Variants in RAPGEF2 observed in about 807,000 individuals in gnomAD.
RAPGEF2 encodes the protein Rap guanine nucleotide exchange factor 2.
A neutral mutation model predicts 186.7 loss-of-function variants in RAPGEF2; 54 were observed. That is an observed-to-expected ratio of 0.29 (90% CI 0.23 to 0.36). The LOEUF is 0.36. Ranked by LOEUF, RAPGEF2 falls within the 10% of genes least tolerant of loss-of-function variation. The pLI is 1.00. For synonymous variants in RAPGEF2, 712 were observed against 705.9 expected (o/e 1.01, Z -0.14); for missense variants, 1,532 against 2,045.0 (o/e 0.75, Z 4.84).
intron 4 of RAPGEF2, among the ~76,000 whole-genome samples, chr4:159,224,229 G>A (rs377150530): frequency 6.6e-6 from 1 of 152,088 alleles, no homozygotes; most frequent in African/African-American, 2.4e-5. Flanking sequence ...AATCCCTTAT[G>A]TATAGGAAAT....
intron 7 of RAPGEF2, among the ~76,000 whole-genome samples, chr4:159,275,385 A>G (rs1758726069): frequency 6.6e-6 from 1 of 152,128 alleles, no homozygotes; most frequent in Admixed American, 6.6e-5. Context: ...TCAAAGTTAC[A>G]TTCTTCTTTA....
At chr4:159,303,409 A>G (rs190757733) in intron 7 of RAPGEF2, among the ~76,000 whole-genome samples, 104 of 152,290 alleles carry the variant, frequency 6.8e-4, no homozygotes, top group African/African-American at 2.3e-3. Flanking sequence ...TGTTATCAGT[A>G]TTTCATGATG....
Position 159,352,667 on chromosome 4 carries a change from G to A in RAPGEF2, c.3866-18G>A. Reference sequence around the variant, plus strand: ...AAACCTAGAGAGTCTAATTAATACGGTTGTATTTCTCATGCAGGCTATACT... The same window carrying A: ...AAACCTAGAGAGTCTAATTAATACGATTGTATTTCTCATGCAGGCTATACT... On this transcript the variant is annotated intron_variant, in intron 26 of 29. Transcript: ENST00000691494. 2 of 1,577,760 alleles carry A rather than the reference G, an allele frequency of 1.3e-6. No individual in the cohort carries two copies. The highest frequency in any genetic ancestry group is 1.3e-5 in the African/African-American group (1 of 74,210).
At position 159,168,015 on chromosome 4, in the gene RAPGEF2, A is replaced by G. The variant is rs1745506551; in HGVS notation, c.70-18627A>G. 2.6e-5 allele frequency among the ~76,000 whole-genome samples: 4 copies of G among 152,212 alleles called. No homozygotes were observed. In the South Asian group the frequency reaches 8.3e-4, roughly 32 times the overall value. ...TAAGGTGGTGAGGCTCATATGTGTAAATATGTATGATCTTGAAATTTTGTC... is the reference window on the plus strand; with the variant it reads ...TAAGGTGGTGAGGCTCATATGTGTAGATATGTATGATCTTGAAATTTTGTC... On this transcript the variant is annotated intron_variant, in intron 1 of 29. Transcript: ENST00000691494.
chr4:159,126,587 T>G (rs1269594544), intron 1 of RAPGEF2, among the ~76,000 whole-genome samples: 1 of 152,012 alleles, frequency 6.6e-6, no homozygotes, highest in Non-Finnish European at 1.5e-5. Context: ...TTTTAAGACT[T>G]TCTCAGAATT....
At chr4:159,247,204 TTG>T (rs1198680536) in intron 7 of RAPGEF2, among the ~76,000 whole-genome samples, 1 of 152,172 alleles carries the variant, frequency 6.6e-6, no homozygotes, top group East Asian at 1.9e-4. Context: ...TTATATATTT[TTG>T]GTCATTTAAC....
At chr4:159,216,167 T>A (rs960345176) in intron 4 of RAPGEF2, among the ~76,000 whole-genome samples, 3 of 152,228 alleles carry the variant, frequency 2.0e-5, no homozygotes, top group African/African-American at 7.2e-5. Context: ...GTGTGGTCTC[T>A]ACACTGAGTC....
At chr4:159,321,075 C>G (rs1410254773) in intron 9 of RAPGEF2, among the ~76,000 whole-genome samples, 1 of 152,082 alleles carries the variant, frequency 6.6e-6, no homozygotes, top group East Asian at 1.9e-4. Flanking sequence ...AGTTAATCAC[C>G]TTGCCCAAAG....
chr4:159,178,677 C>A (rs908803975), intron 1 of RAPGEF2, among the ~76,000 whole-genome samples: 7 of 150,686 alleles, frequency 4.6e-5, no homozygotes, highest in Non-Finnish European at 8.8e-5. Flanking sequence ...CCTGCCTCAG[C>A]CCCCCAAGTA....
intron 3 of RAPGEF2, among the ~76,000 whole-genome samples, chr4:159,201,344 A>AT (rs1213625159): frequency 1.3e-5 from 2 of 152,130 alleles, no homozygotes; most frequent in African/African-American, 2.4e-5. Context: ...GTTAGAACTT[A>AT]TTTTTTTGAA....
intron 1 of RAPGEF2, among the ~76,000 whole-genome samples, chr4:159,137,935 G>T (rs2111153946): frequency 6.6e-6 from 1 of 152,288 alleles, no homozygotes; most frequent in African/African-American, 2.4e-5. Context: ...CAACTAATGT[G>T]CTAGCTAGGG....
chr4:159,314,443 T>G, intron 8 of RAPGEF2, 148 bp from the exon 9 acceptor site: 1 of 699,612 alleles, frequency 1.4e-6, no homozygotes, highest in East Asian at 3.2e-5. Context: ...AAGTAATTGT[T>G]ACATGTAGTT....
At chr4:159,141,050 C>T (rs1237795698) in intron 1 of RAPGEF2, among the ~76,000 whole-genome samples, 1 of 152,014 alleles carries the variant, frequency 6.6e-6, no homozygotes, top group African/African-American at 2.4e-5. Flanking sequence ...CCACCCACCT[C>T]AGCCTCCCAA....
At chr4:159,112,833 C>T (rs953524890) in intron 1 of RAPGEF2, among the ~76,000 whole-genome samples, 3 of 151,808 alleles carry the variant, frequency 2.0e-5, no homozygotes, top group Admixed American at 6.6e-5. Flanking sequence ...AAATATCTCC[C>T]CCACAAAATT....
At chr4:159,248,028 CT>C (rs1344608197) in intron 7 of RAPGEF2, among the ~76,000 whole-genome samples, 2 of 152,082 alleles carry the variant, frequency 1.3e-5, no homozygotes, top group Non-Finnish European at 1.5e-5. Flanking sequence ...TCCTAAAGTG[CT>C]GGGATTACAG....
chr4:159,155,829 C>T (rs898966444), intron 1 of RAPGEF2, among the ~76,000 whole-genome samples: 3 of 151,182 alleles, frequency 2.0e-5, no homozygotes, highest in Non-Finnish European at 2.9e-5. Flanking sequence ...AATTTCCTCT[C>T]GGTACTATTT....
Position 159,104,230 on chromosome 4 carries a change from A to G in RAPGEF2, c.68A>G (p.Gln23Arg). 9.3e-7 allele frequency: 1 copy of G among 1,074,600 alleles called. No individual in the cohort carries two copies. The highest frequency in any genetic ancestry group is 1.1e-6 in the Non-Finnish European group (1 of 877,202). The allele number at this position is 1,074,600 out of a possible 1,614,324, so 66.6% of individuals were successfully genotyped here. ...AAGAATCCCCCCGAAAGGACCCCCC[A>G]GGTGAGAACGCGGCGGCCGCCTGCC... ...VMKNPPERTP[Q>R]DLEIVYSYLH... Residue 23 changes from glutamine to arginine, a missense_variant and splice_region_variant, in exon 1 of 30, where the codon CAG (glutamine) becomes CGG (arginine). Around this residue, in one of 4 missense-constraint regions of RAPGEF2, gnomAD observed 810 missense variants for 1,210.5 expected, o/e 0.67. Transcript: ENST00000691494.
At chr4:159,332,237 A>G (rs1333337713) in intron 16 of RAPGEF2, among the ~76,000 whole-genome samples, 1 of 152,056 alleles carries the variant, frequency 6.6e-6, no homozygotes, top group Non-Finnish European at 1.5e-5. Flanking sequence ...CGTAAAGAGT[A>G]TACTACTCTT....
rs142932374 is a variant in RAPGEF2, at chr4:159,222,292, G to T, written c.281+11709G>T. Among the ~76,000 whole-genome samples, 111 of 152,288 alleles carry T rather than the reference G, an allele frequency of 7.3e-4. No homozygotes were observed. In the East Asian group the frequency reaches 0.019, roughly 25 times the overall value. ...GCTTCTGTGGCCTTTGGAACACTGGGATTGGTAGTGTCTTAACACAGTAAG... is the reference window on the plus strand; with the variant it reads ...GCTTCTGTGGCCTTTGGAACACTGGTATTGGTAGTGTCTTAACACAGTAAG... On this transcript the variant is annotated intron_variant, in intron 4 of 29. Coordinates refer to ENST00000691494, the MANE Select transcript of RAPGEF2 (RefSeq NM_001394067.2).
Sources: allele counts gnomAD v4.1 joint callset (sites outside exome capture counted in the v4.1 genomes callset), GRCh38; gene constraint gnomAD v4.1.1; regional missense constraint gnomAD v4.1.1; transcripts MANE v1.5; gene names NCBI Gene and HGNC (gene_info 2026-07-23, HGNC 2026-07-21).